Variants in BLTP3B observed in about 807,000 individuals in gnomAD.
BLTP3B encodes UHRF1 (ICBP90) binding protein 1-like.
chr12:100,059,024 T>C, the BLTP3B span: 6 of 1,614,144 alleles, frequency 3.7e-6, no homozygotes, highest in Non-Finnish European at 5.1e-6. Flanking sequence ...CACTTTGTGA[T>C]GTATTTAGAG....
At chr12:100,068,697 G>A in the BLTP3B span, among the ~76,000 whole-genome samples, 2 of 152,214 alleles carry the variant, frequency 1.3e-5, no homozygotes, top group East Asian at 3.9e-4. Context: ...ACAATGAGTA[G>A]ACAGTTCTCA....
the BLTP3B span, among the ~76,000 whole-genome samples, chr12:100,089,296 T>C: frequency 6.6e-6 from 1 of 152,176 alleles, no homozygotes. Context: ...ACTAGGCTCA[T>C]GCCTGTAATC....
chr12:100,059,075 A>G, the BLTP3B span: 84 of 1,614,084 alleles, frequency 5.2e-5, 2 homozygotes, highest in South Asian at 5.6e-4. Context: ...GTGACTCTGC[A>G]TATCTTGTTG....
At chr12:100,091,117 G>A in the BLTP3B span, among the ~76,000 whole-genome samples, 1 of 145,998 alleles carries the variant, frequency 6.8e-6, no homozygotes, top group Non-Finnish European at 1.5e-5. Flanking sequence ...ACGTCCGCCT[G>A]CTGGGTTCAA....
At chr12:100,132,072 G>A in the BLTP3B span, among the ~76,000 whole-genome samples, 41,320 of 152,050 alleles carry the variant, frequency 0.27, 7,990 homozygotes, top group African/African-American at 0.55. Flanking sequence ...GATTACAGGC[G>A]TGAACCACCG....
the BLTP3B span, among the ~76,000 whole-genome samples, chr12:100,135,356 C>T: frequency 6.6e-6 from 1 of 150,920 alleles, no homozygotes; most frequent in South Asian, 2.1e-4. Flanking sequence ...GCAACCTCTG[C>T]CTCCTGGGCT....
At chr12:100,097,648 G>A in the BLTP3B span, 4 of 910,794 alleles carry the variant, frequency 4.4e-6, no homozygotes, top group East Asian at 2.8e-5. Flanking sequence ...TTTTATTTTT[G>A]TAAATTGCAT....
chr12:100,085,239 G>A, the BLTP3B span, among the ~76,000 whole-genome samples: 113 of 152,024 alleles, frequency 7.4e-4, 1 homozygote, highest in African/African-American at 2.6e-3. Context: ...CAGGCCAGGC[G>A]CAGTGGCTCA....
At chr12:100,133,697 A>G in the BLTP3B span, among the ~76,000 whole-genome samples, 1 of 152,212 alleles carries the variant, frequency 6.6e-6, no homozygotes, top group Non-Finnish European at 1.5e-5. Context: ...CCAGGATTCT[A>G]GTATGCTAAT....
chr12:100,138,899 C>A, the BLTP3B span, among the ~76,000 whole-genome samples: 2 of 151,964 alleles, frequency 1.3e-5, no homozygotes, highest in African/African-American at 2.4e-5. Context: ...ATGTCTTGAG[C>A]TGAAAGGTAG....
chr12:100,129,714 G>C, the BLTP3B span, among the ~76,000 whole-genome samples: 1 of 152,020 alleles, frequency 6.6e-6, no homozygotes, highest in Non-Finnish European at 1.5e-5. Context: ...GCTGAGAGAA[G>C]AAGGCCTATT....
At chr12:100,048,735 G>GAGA in the BLTP3B span, among the ~76,000 whole-genome samples, 27 of 119,592 alleles carry the variant, frequency 2.3e-4, no homozygotes, top group East Asian at 3.8e-3. Context: ...GTAAGGGGGG[G>GAGA]GAGAGAGAGA....
chr12:100,121,461 G>T, the BLTP3B span, among the ~76,000 whole-genome samples: 3 of 152,026 alleles, frequency 2.0e-5, no homozygotes, highest in African/African-American at 7.2e-5. Flanking sequence ...TTACAAAGGA[G>T]CATGAGGAAA....
At chr12:100,107,332 TATA>T in the BLTP3B span, among the ~76,000 whole-genome samples, 36,993 of 140,832 alleles carry the variant, frequency 0.26, 6,971 homozygotes, top group African/African-American at 0.54. Flanking sequence ...AATAATAAGT[TATA>T]ATAATAATAA....
At chr12:100,086,380 G>C in the BLTP3B span, 12 of 674,626 alleles carry the variant, frequency 1.8e-5, 3 homozygotes, top group South Asian at 9.7e-5. Flanking sequence ...AAAGGGGGGG[G>C]GGGAAATATT....
chr12:100,040,612 G>A, the BLTP3B span, among the ~76,000 whole-genome samples: 1 of 152,188 alleles, frequency 6.6e-6, no homozygotes, highest in Non-Finnish European at 1.5e-5. Flanking sequence ...CTTGAACCCA[G>A]GAGGCGGAGG....
the BLTP3B span, among the ~76,000 whole-genome samples, chr12:100,111,692 G>A: frequency 1.3e-5 from 2 of 152,016 alleles, no homozygotes; most frequent in African/African-American, 4.8e-5. Flanking sequence ...TGCAACCTCT[G>A]CCTTCTGGGT....
chr12:100,068,372 T>C, the BLTP3B span, among the ~76,000 whole-genome samples: 1 of 152,230 alleles, frequency 6.6e-6, no homozygotes, highest in Admixed American at 6.5e-5. Context: ...GACTTAAATC[T>C]AAGCCCTGAA....
the BLTP3B span, among the ~76,000 whole-genome samples, chr12:100,061,758 G>A: frequency 6.6e-6 from 1 of 151,964 alleles, no homozygotes; most frequent in Middle Eastern, 3.4e-3. Flanking sequence ...AAAGCAGCTT[G>A]TAGAAACTTT....
Sources: allele counts gnomAD v4.1 joint callset (sites outside exome capture counted in the v4.1 genomes callset), GRCh38; gene constraint gnomAD v4.1.1; transcripts MANE v1.5; gene names NCBI Gene and HGNC (gene_info 2026-07-23, HGNC 2026-07-21).